Variants in CTNNA2 observed in about 807,000 individuals in gnomAD.
CTNNA2 encodes catenin alpha-2.
A neutral mutation model predicts 101.0 loss-of-function variants in CTNNA2; 42 were observed. The observed-to-expected ratio is 0.42, with a 90% CI of 0.32 to 0.54. The LOEUF (loss-of-function observed/expected upper bound fraction) is 0.54, where lower values mean the gene tolerates loss of function less well. Ranked by LOEUF, CTNNA2 falls within the 20% of genes least tolerant of loss-of-function variation. CTNNA2 has a pLI of 0.14. For synonymous variants in CTNNA2, 450 were observed against 456.4 expected, an observed-to-expected ratio of 0.99 and a Z score of 0.18; for missense variants, 871 against 1,223.1, an observed-to-expected ratio of 0.71 and a Z score of 4.29.
intron 2 of CTNNA2, among the ~76,000 whole-genome samples, chr2:79,659,565 G>A (rs1172416886): frequency 2.0e-5 from 3 of 152,094 alleles, no homozygotes; most frequent in East Asian, 3.9e-4. Flanking sequence ...TCTAATTCAT[G>A]TATAGTGTGA....
chr2:79,724,631 C>T (rs932678231), intron 2 of CTNNA2, among the ~76,000 whole-genome samples: 4 of 151,612 alleles, frequency 2.6e-5, no homozygotes, highest in African/African-American at 4.8e-5. Context: ...CTGGCTAACA[C>T]GGTGAAACCC....
At chr2:80,426,454 T>C (rs1269241363) in intron 9 of CTNNA2, among the ~76,000 whole-genome samples, 3 of 152,184 alleles carry the variant, frequency 2.0e-5, no homozygotes, top group African/African-American at 7.2e-5. Context: ...CTCCCATCTC[T>C]ACCATGCACA....
intron 2 of CTNNA2, among the ~76,000 whole-genome samples, chr2:79,280,318 C>A (rs1343622087): frequency 1.3e-5 from 2 of 152,170 alleles, no homozygotes; most frequent in Non-Finnish European, 2.9e-5. Context: ...AGCCTAAAAA[C>A]ATGTGAGGGG....
intron 2 of CTNNA2, among the ~76,000 whole-genome samples, chr2:79,726,798 A>G (rs114175425): frequency 1.5e-3 from 224 of 152,340 alleles, no homozygotes; most frequent in African/African-American, 3.8e-3. Flanking sequence ...CTATTGGCAT[A>G]GTTAGGTTGA....
intron 7 of CTNNA2, among the ~76,000 whole-genome samples, chr2:80,350,577 T>C (rs1673188192): frequency 6.6e-6 from 1 of 152,200 alleles, no homozygotes. Context: ...ATTCCTTGAA[T>C]GAACCTCTCC....
intron 7 of CTNNA2, among the ~76,000 whole-genome samples, chr2:80,279,345 G>A (rs1226471438): frequency 6.6e-6 from 1 of 151,906 alleles, no homozygotes; most frequent in Non-Finnish European, 1.5e-5. Flanking sequence ...TTCCTTTATG[G>A]TGCAAAGACA....
chr2:80,345,509 G>A (rs1211842308), intron 7 of CTNNA2, among the ~76,000 whole-genome samples: 1 of 151,840 alleles, frequency 6.6e-6, no homozygotes, highest in Non-Finnish European at 1.5e-5. Flanking sequence ...ATCATCATCT[G>A]GTGTGCTATC....
chr2:79,441,744 G>A, intron 4 of CTNNA2, among the ~76,000 whole-genome samples: 1 of 151,998 alleles, frequency 6.6e-6, no homozygotes, highest in Non-Finnish European at 1.5e-5. Flanking sequence ...AACTTTTCAT[G>A]GCTTTTCATT....
chr2:80,381,355 G>A (rs1391577742), intron 7 of CTNNA2, among the ~76,000 whole-genome samples: 1 of 152,048 alleles, frequency 6.6e-6, no homozygotes, highest in African/African-American at 2.4e-5. Context: ...TATTTCTTTG[G>A]TTGTTTTAAC....
intron 3 of CTNNA2, among the ~76,000 whole-genome samples, chr2:79,768,689 G>T (rs111354854): frequency 6.6e-6 from 1 of 151,998 alleles, no homozygotes; most frequent in African/African-American, 2.4e-5. Context: ...TTAATGTTTA[G>T]GAGACAATAT....
chr2:80,592,626 C>T (rs983041080), intron 15 of CTNNA2, among the ~76,000 whole-genome samples: 1 of 152,102 alleles, frequency 6.6e-6, no homozygotes, highest in Non-Finnish European at 1.5e-5. Flanking sequence ...AAATGCAGCT[C>T]ATTAGTAAAA....
chr2:79,480,365 T>C (rs538623654), intron 4 of CTNNA2, among the ~76,000 whole-genome samples: 4 of 152,316 alleles, frequency 2.6e-5, no homozygotes, highest in East Asian at 1.9e-4. Context: ...AAGTTCTTAA[T>C]TGATCTTTCT....
At chr2:79,338,244 T>TAAAAAAAAAAAAAAA (rs1677040932) in intron 3 of CTNNA2, among the ~76,000 whole-genome samples, 1 of 14,568 alleles carries the variant, frequency 6.9e-5, no homozygotes. Flanking sequence ...AGACTCCATC[T>TAAAAAAAAAAAAAAA]CAAAAAAAAA....
chr2:79,614,503 A>G (rs1428829851), intron 1 of CTNNA2, among the ~76,000 whole-genome samples: 1 of 152,166 alleles, frequency 6.6e-6, no homozygotes, highest in African/African-American at 2.4e-5. Context: ...TTTAAGAAAA[A>G]TGATAAGAAT....
intron 4 of CTNNA2, among the ~76,000 whole-genome samples, chr2:79,476,523 A>G (rs1671053157): frequency 6.6e-6 from 1 of 152,302 alleles, no homozygotes; most frequent in Admixed American, 6.5e-5. Context: ...ATATAAATGT[A>G]GATGGCATGC....
At chr2:79,305,373 C>CACAT (rs771638215) in intron 2 of CTNNA2, among the ~76,000 whole-genome samples, 67 of 138,246 alleles carry the variant, frequency 4.8e-4, no homozygotes, top group East Asian at 1.7e-3. Flanking sequence ...TATATATACA[C>CACAT]ATATATATAT....
At chr2:79,576,828 A>G (rs1000152702) in intron 1 of CTNNA2, among the ~76,000 whole-genome samples, 6 of 152,168 alleles carry the variant, frequency 3.9e-5, no homozygotes, top group African/African-American at 9.6e-5. Context: ...GAAGAAGGTC[A>G]GGGATTGTTC....
chr2:80,447,225 T>G (rs887011614), intron 9 of CTNNA2, among the ~76,000 whole-genome samples: 2 of 152,196 alleles, frequency 1.3e-5, no homozygotes, highest in Admixed American at 6.6e-5. Flanking sequence ...TGATGTAGTT[T>G]TTCTGCTGTA....
intron 2 of CTNNA2, among the ~76,000 whole-genome samples, chr2:79,673,583 CAATTA>C (rs1456840421): frequency 6.6e-6 from 1 of 152,072 alleles, no homozygotes; most frequent in Non-Finnish European, 1.5e-5. Flanking sequence ...ACATTTTCTT[CAATTA>C]CCTCTTTCAG....
Sources: allele counts gnomAD v4.1 joint callset (sites outside exome capture counted in the v4.1 genomes callset), GRCh38; gene constraint gnomAD v4.1.1; transcripts MANE v1.5; gene names NCBI Gene and HGNC (gene_info 2026-07-23, HGNC 2026-07-21).